ADAMTS19: variants seen among roughly 807,000 people sequenced by gnomAD.
The protein encoded by ADAMTS19 is ADAM metallopeptidase with thrombospondin type 1 motif 19.
ADAMTS19 carries 93 observed loss-of-function variants against 153.3 expected under a neutral mutation model. The observed-to-expected ratio is 0.61, with a 90% CI of 0.51 to 0.72. The LOEUF (loss-of-function observed/expected upper bound fraction) is 0.72, where lower values mean the gene tolerates loss of function less well. Among genes scored for constraint, ADAMTS19 ranks in the 30% least tolerant of loss-of-function variants. The pLI is 0.00. For missense variants in ADAMTS19, 1,482 were observed against 1,552.1 expected, an observed-to-expected ratio of 0.95 and a Z score of 0.76; for synonymous variants, 600 against 556.6, an observed-to-expected ratio of 1.08 and a Z score of -1.10.
At chr5:129,724,570 C>T (rs1008285969) in intron 21 of ADAMTS19, among the ~76,000 whole-genome samples, 32 of 152,016 alleles carry the variant, frequency 2.1e-4, no homozygotes, top group Non-Finnish European at 1.5e-4. Context: ...GGTAAATACC[C>T]GAGGTTTGTT....
intron 1 of ADAMTS19, chr5:129,460,829 G>A: frequency 2.1e-6 from 1 of 472,556 alleles, no homozygotes; most frequent in South Asian, 4.2e-5. Context: ...TGGAGTCTTT[G>A]CATCGGTTTT....
chr5:129,562,556 C>T (rs970782057), intron 7 of ADAMTS19, among the ~76,000 whole-genome samples: 1 of 152,124 alleles, frequency 6.6e-6, no homozygotes, highest in African/African-American at 2.4e-5. Flanking sequence ...CAGGTTTCTG[C>T]ATAACCCTCT....
At position 129,706,855 on chromosome 5, in the gene ADAMTS19, T is replaced by C. The variant is rs1452879615; in HGVS notation, c.3312+2464T>C. 2.0e-5 allele frequency among the ~76,000 whole-genome samples: 3 copies of C among 152,172 alleles called. No individual in the cohort carries two copies. The East Asian group carries it at 5.8e-4, about 29-fold the overall frequency. On this transcript the variant is annotated intron_variant, in intron 21 of 22. Transcript: ENST00000274487. ...CTAGGGAGATCATAGGGAACACTGA[T>C]TGTGGTTTTTTATGCTAAACTAAAA... is the stretch of plus-strand genomic sequence containing the variant.
Position 129,735,114 on chromosome 5 carries a change from G to GA in ADAMTS19, c.3490+5_3490+6insA. On this transcript the variant is annotated splice_donor_region_variant and intron_variant, in intron 22 of 22. Coordinates refer to ENST00000274487, the MANE Select transcript of ADAMTS19 (RefSeq NM_133638.6). ...CCATAACATCACCCAGACTGGGTAA[G>GA]CAGACAAAAAAAAAAGATGCTTTTG... The GA allele has an allele frequency of 6.5e-7, 1 of 1,550,386 alleles. No homozygotes were observed.
At chr5:129,462,090 C>T (rs749950679) in intron 2 of ADAMTS19, among the ~76,000 whole-genome samples, 1 of 152,202 alleles carries the variant, frequency 6.6e-6, no homozygotes, top group Non-Finnish European at 1.5e-5. Context: ...ACTAAGCGCT[C>T]CACGTGATGT....
chr5:129,712,024 A>G (rs1174013157), intron 21 of ADAMTS19, among the ~76,000 whole-genome samples: 1 of 152,108 alleles, frequency 6.6e-6, no homozygotes, highest in African/African-American at 2.4e-5. Context: ...TAGCTAGAGA[A>G]AATGTGTAGA....
Position 129,461,214 on chromosome 5 carries a change from G to C in ADAMTS19, c.204G>C (p.Trp68Cys). The C allele has an allele frequency of 7.8e-7, 1 of 1,282,682 alleles. No individual in the cohort carries two copies. The highest frequency in any genetic ancestry group is 3.0e-4 in the Middle Eastern group (1 of 3,330). 79.5% of individuals were successfully genotyped at this position (1,282,682 alleles called of 1,614,324 possible). The change falls in exon 2 of 23, where the codon TGG (tryptophan) becomes TGC (cysteine). Residue 68 changes from tryptophan to cysteine, a missense_variant. Trp to Cys is a radical substitution (Grantham distance 215). This residue lies in a region of ADAMTS19 where 866 missense variants were observed against 827.7 expected (regional missense o/e 1.05). Transcript: ENST00000274487. The surrounding 1 kb of genome is among the most constrained non-coding windows in gnomAD (Gnocchi z 4.6). ...GGSGGSADPGWVRGVGGGGSA... is the reference protein window; with the variant it reads ...GGSGGSADPGCVRGVGGGGSA... ...GCGGGGGCAGCGCGGACCCGGGCTG[G>C]GTGCGCGGCGTTGGGGGCGGCGGAA...
At chr5:129,687,487 A>G (rs1407539952) in intron 18 of ADAMTS19, among the ~76,000 whole-genome samples, 1 of 152,200 alleles carries the variant, frequency 6.6e-6, no homozygotes, top group Non-Finnish European at 1.5e-5. Context: ...ATTCTTCCCC[A>G]AATTACATTA....
chr5:129,720,163 TA>T (rs1581260538), intron 21 of ADAMTS19, among the ~76,000 whole-genome samples: 1 of 141,412 alleles, frequency 7.1e-6, no homozygotes, highest in Admixed American at 6.9e-5. Context: ...TATATATATA[TA>T]TATATATTTA....
At position 129,737,100 on chromosome 5, in the gene ADAMTS19, G is replaced by A; in HGVS notation, c.3524G>A (p.Trp1175Ter). The A allele has an allele frequency of 6.2e-7, 1 of 1,604,068 alleles. No individual in the cohort carries two copies. Among genetic ancestry groups the A allele is most frequent in the Non-Finnish European group, 8.5e-7 (1 of 1,173,540 alleles). ...ACTTTCAAGTGCCTGGGAGATCAGT[G>A]GCCAGTGTACTGCCGAGTGATACGT... ...ALTFKCLGDQ[W>*]PVYCRVIREK... Residue 1175 changes from tryptophan to a stop codon, truncating the protein, a stop_gained, in exon 23 of 23, where the codon TGG becomes TAG. Transcript: ENST00000274487. LOFTEE classifies it high-confidence loss of function.
At chr5:129,676,590 A>C (rs1754562079) in intron 16 of ADAMTS19, among the ~76,000 whole-genome samples, 2 of 152,124 alleles carry the variant, frequency 1.3e-5, no homozygotes, top group Admixed American at 1.3e-4. Context: ...TAGGGATCGC[A>C]GTTCTCTGTT....
chr5:129,700,998 C>T (rs1046064828), intron 19 of ADAMTS19, among the ~76,000 whole-genome samples: 1 of 151,868 alleles, frequency 6.6e-6, no homozygotes, highest in Non-Finnish European at 1.5e-5. Flanking sequence ...TGTCTCCACC[C>T]AAATCTCATC....
At chr5:129,534,014 A>G (rs1752313620) in intron 6 of ADAMTS19, among the ~76,000 whole-genome samples, 1 of 152,028 alleles carries the variant, frequency 6.6e-6, no homozygotes, top group Non-Finnish European at 1.5e-5. Context: ...CTTTACTTCC[A>G]ATTTGTGGTC....
chr5:129,684,856 G>A (rs918169969), intron 18 of ADAMTS19, among the ~76,000 whole-genome samples: 8 of 151,986 alleles, frequency 5.3e-5, no homozygotes, highest in Admixed American at 1.3e-4. Flanking sequence ...GTGTGGTGGC[G>A]GGCGCCTGTA....
At chr5:129,494,742 T>C (rs1305873260) in intron 2 of ADAMTS19, among the ~76,000 whole-genome samples, 4 of 152,186 alleles carry the variant, frequency 2.6e-5, no homozygotes, top group Admixed American at 2.6e-4. Flanking sequence ...GATGGCCATA[T>C]TGACATGGGC....
intron 2 of ADAMTS19, among the ~76,000 whole-genome samples, chr5:129,494,379 G>A (rs1455038627): frequency 6.6e-6 from 1 of 152,094 alleles, no homozygotes; most frequent in Non-Finnish European, 1.5e-5. Context: ...CCACATGTCT[G>A]ACTCCTCCCT....
At chr5:129,615,517 C>T (rs1751477702) in intron 8 of ADAMTS19, among the ~76,000 whole-genome samples, 2 of 151,980 alleles carry the variant, frequency 1.3e-5, no homozygotes, top group Non-Finnish European at 1.5e-5. Context: ...ACTCTAATGT[C>T]CTCATGCCCT....
At chr5:129,568,528 A>G (rs918095719) in intron 7 of ADAMTS19, among the ~76,000 whole-genome samples, 1 of 152,156 alleles carries the variant, frequency 6.6e-6, no homozygotes, top group African/African-American at 2.4e-5. Flanking sequence ...AATTAAAAAC[A>G]CAATAAATAC....
chr5:129,617,238 TA>T (rs772643170), intron 8 of ADAMTS19, among the ~76,000 whole-genome samples: 36 of 152,176 alleles, frequency 2.4e-4, no homozygotes, highest in Non-Finnish European at 4.3e-4. Flanking sequence ...TGTTATGAGT[TA>T]AATGGCTTTA....
Sources: gnomAD v4.1 joint callset for allele counts (sites outside exome capture counted in the v4.1 genomes callset) on GRCh38, gnomAD v4.1.1 for gene constraint, gnomAD v4.1.1 regional missense constraint, Gnocchi (gnomAD v3.1) non-coding constraint, MANE v1.5 for transcripts, NCBI Gene and HGNC (gene_info 2026-07-23, HGNC 2026-07-21) for gene names.